HDAC9: variants seen among roughly 807,000 people sequenced by gnomAD.
HDAC9 encodes the protein histone deacetylase 9.
Under a neutral mutation model 139.4 loss-of-function variants are expected in HDAC9, and 41 were observed. The ratio of observed to expected loss-of-function variants is 0.29; its 90% CI spans 0.23 to 0.38. The LOEUF is 0.38. Ranked by LOEUF, HDAC9 falls within the 10% of genes least tolerant of loss-of-function variation. The pLI is 1.00. For synonymous variants in HDAC9, 517 were observed against 476.2 expected (o/e 1.09, Z -1.12); for missense variants, 1,147 against 1,297.0 (o/e 0.88, Z 1.78).
intron 17 of HDAC9, among the ~76,000 whole-genome samples, chr7:18,805,229 A>G (rs1793610817): frequency 6.6e-6 from 1 of 152,190 alleles, no homozygotes; most frequent in Admixed American, 6.5e-5. Context: ...CATGTCCACA[A>G]ACAGGAGGAG....
At chr7:18,429,013 A>C (rs921112187) in intron 1 of HDAC9, 20 of 152,226 alleles carry the variant, frequency 1.3e-4, no homozygotes, top group African/African-American at 4.6e-4. Flanking sequence ...TTTTCAGATC[A>C]CCCTGTAGAA....
chr7:18,321,905 T>A (rs918725439), intron 1 of HDAC9, among the ~76,000 whole-genome samples: 2 of 152,200 alleles, frequency 1.3e-5, no homozygotes, highest in African/African-American at 4.8e-5. Flanking sequence ...TCGAAATATT[T>A]CTGCTTTCCA....
chr7:18,349,939 TAGG>T (rs1782726395), intron 1 of HDAC9, among the ~76,000 whole-genome samples: 1 of 152,156 alleles, frequency 6.6e-6, no homozygotes, highest in East Asian at 1.9e-4. Flanking sequence ...ACTTCAGTAT[TAGG>T]AGGTCTTCTA....
At chr7:18,157,849 G>GAGAGAGAGAC (rs1329240003) in intron 1 of HDAC9, among the ~76,000 whole-genome samples, 6 of 144,368 alleles carry the variant, frequency 4.2e-5, no homozygotes, top group Non-Finnish European at 9.2e-5. Context: ...GAGAGAGAGA[G>GAGAGAGAGAC]AGACTGAGGA....
intron 17 of HDAC9, among the ~76,000 whole-genome samples, chr7:18,811,816 G>A (rs1453208395): frequency 1.3e-5 from 2 of 151,746 alleles, no homozygotes; most frequent in African/African-American, 4.8e-5. Flanking sequence ...GGGTGTGTGT[G>A]TGAGAGAGAG....
chr7:18,236,243 G>A (rs1420292128), intron 2 of HDAC9, among the ~76,000 whole-genome samples: 11 of 152,126 alleles, frequency 7.2e-5, no homozygotes, highest in Admixed American at 7.2e-4. Context: ...AGATCCTTGG[G>A]TCCCCACCTC....
intron 16 of HDAC9, among the ~76,000 whole-genome samples, chr7:18,774,699 T>A (rs980744290): frequency 2.0e-5 from 3 of 152,074 alleles, no homozygotes; most frequent in African/African-American, 7.2e-5. Context: ...CAAGGGAATG[T>A]GGTTGGGTTG....
intron 2 of HDAC9, among the ~76,000 whole-genome samples, chr7:18,560,690 C>T (rs1820307226): frequency 1.3e-5 from 2 of 152,070 alleles, no homozygotes; most frequent in South Asian, 4.1e-4. Flanking sequence ...CGAGTGAGTG[C>T]ACAAATTAAG....
intron 1 of HDAC9, among the ~76,000 whole-genome samples, chr7:18,291,780 G>C (rs1282519516): frequency 6.6e-6 from 1 of 152,146 alleles, no homozygotes; most frequent in Non-Finnish European, 1.5e-5. Context: ...AGTTATCTGA[G>C]GTTGTCTTGC....
chr7:18,557,996 C>T (rs1285430472), intron 2 of HDAC9, among the ~76,000 whole-genome samples: 1 of 151,954 alleles, frequency 6.6e-6, no homozygotes, highest in South Asian at 2.1e-4. Context: ...TTTTTAAAAG[C>T]TGTTTAAAGA....
At chr7:18,209,186 C>T (rs2128166436) in intron 2 of HDAC9, among the ~76,000 whole-genome samples, 1 of 152,230 alleles carries the variant, frequency 6.6e-6, no homozygotes, top group South Asian at 2.1e-4. Context: ...CATTCTGATT[C>T]AACAAAACTT....
intron 1 of HDAC9, among the ~76,000 whole-genome samples, chr7:18,332,361 ATGTGTGTGTGTGTG>A (rs33993916): frequency 1.5e-5 from 2 of 134,628 alleles, no homozygotes; most frequent in African/African-American, 5.8e-5. Flanking sequence ...GCATGCGCAC[ATGTGTGTGTGTGTG>A]TGTGTGTGTG....
chr7:18,615,196 T>C (rs1761582628), intron 6 of HDAC9, among the ~76,000 whole-genome samples: 2 of 152,194 alleles, frequency 1.3e-5, no homozygotes, highest in African/African-American at 4.8e-5. Context: ...ATAAAGGTCA[T>C]ATATAAAATT....
chr7:18,319,546 C>T lies in HDAC9; in HGVS notation c.-42+29031C>T, dbSNP rs571181896. ...GCAAAGCCTAAATTTTATGAGTTCC[C>T]CATCATTATTGGAATGAGAAATTGC... On this transcript the variant is annotated intron_variant, in intron 1 of 3. Transcript: ENST00000413509. 3.9e-5 allele frequency among the ~76,000 whole-genome samples: 6 copies of T among 152,282 alleles called. No individual in the cohort carries two copies. In the South Asian group the frequency reaches 1.2e-3, roughly 32 times the overall value.
At chr7:18,740,099 G>A (rs769019736) in intron 13 of HDAC9, among the ~76,000 whole-genome samples, 28 of 152,336 alleles carry the variant, frequency 1.8e-4, no homozygotes, top group South Asian at 4.1e-4. Flanking sequence ...GAATCTCCTC[G>A]TCTGCCGATT....
chr7:18,878,596 G>A (rs921741147), intron 22 of HDAC9, among the ~76,000 whole-genome samples: 8 of 152,082 alleles, frequency 5.3e-5, no homozygotes, highest in South Asian at 2.1e-4. Context: ...AAAGGCTTTC[G>A]ATAAAATTCA....
At chr7:18,377,499 G>T (rs894176570) in intron 1 of HDAC9, among the ~76,000 whole-genome samples, 8 of 152,000 alleles carry the variant, frequency 5.3e-5, no homozygotes, top group Admixed American at 5.2e-4. Flanking sequence ...TTCCTTTTAA[G>T]AATGAGAAAT....
intron 17 of HDAC9, among the ~76,000 whole-genome samples, chr7:18,801,649 A>T (rs1036819182): frequency 6.6e-6 from 1 of 152,068 alleles, no homozygotes; most frequent in Non-Finnish European, 1.5e-5. Flanking sequence ...TTCGGTAAAA[A>T]TTGGGAAATT....
intron 2 of HDAC9, among the ~76,000 whole-genome samples, chr7:18,221,002 C>T (rs1333327744): frequency 6.6e-6 from 1 of 151,882 alleles, no homozygotes; most frequent in African/African-American, 2.4e-5. Context: ...CTCACTTTTA[C>T]TTTTTATTTT....
Sources: allele counts gnomAD v4.1 joint callset (sites outside exome capture counted in the v4.1 genomes callset), GRCh38; gene constraint gnomAD v4.1.1; transcripts MANE v1.5; gene names NCBI Gene and HGNC (gene_info 2026-07-23, HGNC 2026-07-21).